Variants in SELENOF observed in about 807,000 individuals in gnomAD.
SELENOF encodes the protein 15 kDa selenoprotein.
A neutral mutation model predicts 20.5 loss-of-function variants in SELENOF; 16 were observed. That is an observed-to-expected ratio of 0.78 (90% CI 0.53 to 1.19). The LOEUF is 1.19. SELENOF is among the 50% of genes most tolerant of loss of function. The pLI is 0.00. For missense variants in SELENOF, 215 were observed against 194.2 expected, an observed-to-expected ratio of 1.11 and a Z score of -0.64; for synonymous variants, 78 against 74.5, an observed-to-expected ratio of 1.05 and a Z score of -0.24.
intron 3 of SELENOF, among the ~76,000 whole-genome samples, chr1:86,869,734 T>C (rs147566693): frequency 0.023 from 3,533 of 151,928 alleles, 53 homozygotes; most frequent in South Asian, 0.054. Context: ...CTTCTTTCTT[T>C]CTTTTCTTTT....
At chr1:86,898,657 C>T (rs1165522698) in intron 2 of SELENOF, among the ~76,000 whole-genome samples, 1 of 150,350 alleles carries the variant, frequency 6.7e-6, no homozygotes, top group Non-Finnish European at 1.5e-5. Flanking sequence ...TCTCGGCTCA[C>T]AGCAACCTCT....
intron 4 of SELENOF, among the ~76,000 whole-genome samples, chr1:86,866,443 C>A (rs1484472957): frequency 7.0e-6 from 1 of 142,106 alleles, no homozygotes; most frequent in African/African-American, 2.7e-5. Flanking sequence ...CACGGGCTGG[C>A]AGGAGGGCGG....
chr1:86,914,430 T>C, upstream of SELENOF: 1 of 413,066 alleles, frequency 2.4e-6, no homozygotes, highest in Non-Finnish European at 4.5e-6. Flanking sequence ...TCTCCAAGTT[T>C]ACCCAATTGA....
intron 3 of SELENOF, among the ~76,000 whole-genome samples, chr1:86,874,101 T>TA (rs1557455982): frequency 6.6e-6 from 1 of 151,186 alleles, no homozygotes; most frequent in African/African-American, 2.4e-5. Flanking sequence ...GGTCACACAA[T>TA]AAAAAAATCA....
intron 1 of SELENOF, among the ~76,000 whole-genome samples, chr1:86,913,610 T>C (rs1377067081): frequency 6.6e-6 from 1 of 151,976 alleles, no homozygotes; most frequent in Non-Finnish European, 1.5e-5. Flanking sequence ...GCGAGAGAGG[T>C]AAACACAAAC....
At chr1:86,907,227 G>C (rs1659852919) in intron 1 of SELENOF, among the ~76,000 whole-genome samples, 1 of 152,156 alleles carries the variant, frequency 6.6e-6, no homozygotes, top group South Asian at 2.1e-4. Context: ...ATCCCGCCCA[G>C]TACACAGTAG....
chr1:86,899,749 G>A (rs1171470300), intron 2 of SELENOF, among the ~76,000 whole-genome samples: 2 of 151,554 alleles, frequency 1.3e-5, no homozygotes, highest in Non-Finnish European at 2.9e-5. Flanking sequence ...TCACTTCCCA[G>A]ACGGGGTGGC....
chr1:86,883,194 T>A (rs1243779742), intron 2 of SELENOF, among the ~76,000 whole-genome samples: 1 of 151,428 alleles, frequency 6.6e-6, no homozygotes, highest in Non-Finnish European at 1.5e-5. Flanking sequence ...ATTAATGACA[T>A]CTTGCTAAGT....
chr1:86,863,377 T>TCAAAAGACC lies in SELENOF; in HGVS notation c.*96_*97insGGTCTTTTG. On this transcript the variant is annotated 3_prime_UTR_variant, in exon 5 of 5. Transcript: ENST00000331835. Reference sequence around the variant, plus strand: ...ATATTTAATGCCTCAAGTAAAAGACTGATCAATGGAAGCAAGCAAAACTAA... The same window carrying TCAAAAGACC: ...ATATTTAATGCCTCAAGTAAAAGACTCAAAAGACCGATCAATGGAAGCAAGCAAAACTAA... 9.9e-7 allele frequency: 1 copy of TCAAAAGACC among 1,012,830 alleles called. No individual in the cohort carries two copies. The highest frequency in any genetic ancestry group is 2.3e-4 in the Middle Eastern group (1 of 4,348). The allele number at this position is 1,012,830 out of a possible 1,614,324, so 62.7% of individuals were successfully genotyped here. A position where few individuals can be genotyped will look rare whatever the true frequency, so the allele number is the denominator to read the frequency against.
intron 1 of SELENOF, among the ~76,000 whole-genome samples, chr1:86,905,206 A>C (rs1659799619): frequency 6.6e-6 from 1 of 152,176 alleles, no homozygotes; most frequent in African/African-American, 2.4e-5. Flanking sequence ...ATATATTTTT[A>C]TAATTCTCTT....
intron 1 of SELENOF, among the ~76,000 whole-genome samples, chr1:86,913,592 G>T (rs984150254): frequency 1.3e-5 from 2 of 152,202 alleles, no homozygotes; most frequent in Non-Finnish European, 2.9e-5. Flanking sequence ...AAATGAGAGA[G>T]CACGCGCGCG....
At chr1:86,877,568 C>A (rs988144178) in intron 3 of SELENOF, among the ~76,000 whole-genome samples, 2 of 152,040 alleles carry the variant, frequency 1.3e-5, no homozygotes, top group Non-Finnish European at 2.9e-5. Flanking sequence ...ATACATAAAG[C>A]CTGAAGGTAA....
chr1:86,914,553 G>C, upstream of SELENOF: 1 of 200,746 alleles, frequency 5.0e-6, no homozygotes, highest in South Asian at 7.4e-5. Flanking sequence ...GGAGGGGCGG[G>C]GCTTCTGGTT....
chr1:86,889,905 G>T (rs564246556), intron 2 of SELENOF, among the ~76,000 whole-genome samples: 1 of 152,262 alleles, frequency 6.6e-6, no homozygotes, highest in Admixed American at 6.5e-5. Context: ...TTAAGCCCTT[G>T]TATCTTGCCT....
At chr1:86,913,055 A>G (rs1660027652) in intron 1 of SELENOF, among the ~76,000 whole-genome samples, 1 of 152,254 alleles carries the variant, frequency 6.6e-6, no homozygotes, top group Non-Finnish European at 1.5e-5. Flanking sequence ...TGTTAATTAC[A>G]GAAGTTAAGA....
chr1:86,905,521 A>C (rs1368796577), intron 1 of SELENOF, among the ~76,000 whole-genome samples: 1 of 152,166 alleles, frequency 6.6e-6, no homozygotes, highest in Non-Finnish European at 1.5e-5. Flanking sequence ...TTCTCCGAGA[A>C]ACTTGTGCAC....
chr1:86,883,514 GTACA>G (rs1659133979), intron 2 of SELENOF, among the ~76,000 whole-genome samples: 3 of 152,150 alleles, frequency 2.0e-5, no homozygotes, highest in East Asian at 1.9e-4. Flanking sequence ...AGTGTATAGT[GTACA>G]TACATAGTGT....
intron 2 of SELENOF, among the ~76,000 whole-genome samples, chr1:86,890,047 C>T (rs1659336963): frequency 6.6e-6 from 1 of 152,074 alleles, no homozygotes; most frequent in Admixed American, 6.6e-5. Flanking sequence ...TAATTTTGTC[C>T]CCTGCATACA....
At chr1:86,867,409 T>C (rs1658627872) in intron 4 of SELENOF, among the ~76,000 whole-genome samples, 1 of 151,982 alleles carries the variant, frequency 6.6e-6, no homozygotes, top group Non-Finnish European at 1.5e-5. Context: ...TGAGAATTGC[T>C]TGAACCCAGG....
Sources: allele counts gnomAD v4.1 joint callset (sites outside exome capture counted in the v4.1 genomes callset), GRCh38; gene constraint gnomAD v4.1.1; transcripts MANE v1.5; gene names NCBI Gene and HGNC (gene_info 2026-07-23, HGNC 2026-07-21).